KL: variants seen among roughly 807,000 people sequenced by gnomAD.
KL encodes alpha-klotho.
In KL, 62 loss-of-function variants were observed where a neutral mutation model predicts 84.2. The ratio of observed to expected loss-of-function variants is 0.74; its 90% CI spans 0.60 to 0.91. KL has a LOEUF of 0.91. KL is among the 40% of genes least tolerant of loss of function. KL has a pLI of 0.00. For missense variants in KL, 1,261 were observed against 1,305.7 expected (o/e 0.97, Z 0.53); for synonymous variants, 528 against 528.0 (o/e 1.00, Z 0.00).
upstream of KL, chr13:33,016,419 C>G (rs1870325026): frequency 2.2e-6 from 2 of 918,684 alleles, no homozygotes; most frequent in African/African-American, 1.8e-5. Context: ...CGCGGGGCCC[C>G]GGAGCCTGGC....
At chr13:33,019,391 G>A (rs758009306) in intron 1 of KL, among the ~76,000 whole-genome samples, 1 of 152,030 alleles carries the variant, frequency 6.6e-6, no homozygotes, top group Non-Finnish European at 1.5e-5. Flanking sequence ...GGGCATTTTA[G>A]CTGGGGCTTA....
At chr13:33,056,652 A>G (rs1871971059) in intron 3 of KL, among the ~76,000 whole-genome samples, 4 of 151,920 alleles carry the variant, frequency 2.6e-5, no homozygotes, top group Admixed American at 2.6e-4. Context: ...AAAAAAAAAA[A>G]AAAATTATCC....
chr13:33,044,640 CTTTT>C lies in KL; in HGVS notation c.820-9102_820-9099del, dbSNP rs71071071. On this transcript the variant is annotated intron_variant, in intron 1 of 4. Coordinates refer to ENST00000380099, the MANE Select transcript of KL (RefSeq NM_004795.4). Reference sequence around the variant, plus strand: ...TTCATATATAAATGCAATTGATTTTCTTTTTTTTTTTTTTTTTTTTTTTTTTTTG... The same window carrying C: ...TTCATATATAAATGCAATTGATTTTCTTTTTTTTTTTTTTTTTTTTTTTTG... 2.0e-3 allele frequency among the ~76,000 whole-genome samples: 105 copies of C among 52,710 alleles called. No individual in the cohort carries two copies. The South Asian group carries it at 0.021, about 11-fold the overall frequency. The allele number at this position is 52,710 out of a possible 152,430, so 34.6% of individuals were successfully genotyped here. A position where few individuals can be genotyped will look rare whatever the true frequency, so the allele number is the denominator to read the frequency against.
At chr13:33,043,397 T>C (rs1871408256) in intron 1 of KL, among the ~76,000 whole-genome samples, 2 of 152,070 alleles carry the variant, frequency 1.3e-5, no homozygotes, top group African/African-American at 4.8e-5. Context: ...TTTTTGTATT[T>C]TTAGTAGAGA....
chr13:33,044,210 C>T (rs9536284), intron 1 of KL, among the ~76,000 whole-genome samples: 1 of 152,046 alleles, frequency 6.6e-6, no homozygotes, highest in African/African-American at 2.4e-5. Context: ...CCAATATCAC[C>T]CTATATTAAA....
chr13:33,061,087 G>A lies in KL; in HGVS notation c.2008G>A (p.Ala670Thr). 6.2e-7 allele frequency: 1 copy of A among 1,613,702 alleles called. No individual in the cohort carries two copies. Among genetic ancestry groups the A allele is most frequent in the South Asian group, 1.1e-5 (1 of 90,994 alleles). ...PYTALAFAEYARLCFQELGHH... is the reference protein window; with the variant it reads ...PYTALAFAEYTRLCFQELGHH... Reference sequence around the variant, plus strand: ...CACTGCCCTGGCCTTTGCAGAGTATGCCCGACTGTGCTTTCAAGAGCTCGG... The same window carrying A: ...CACTGCCCTGGCCTTTGCAGAGTATACCCGACTGTGCTTTCAAGAGCTCGG... The change falls in exon 4 of 5, where the codon GCC (alanine) becomes ACC (threonine). Residue 670 changes from alanine (A) to threonine (T), a missense_variant. By Grantham distance (58) the Ala-to-Thr change is moderately conservative. Coordinates refer to ENST00000380099, the MANE Select transcript of KL (RefSeq NM_004795.4).
intron 1 of KL, among the ~76,000 whole-genome samples, chr13:33,026,929 T>C (rs754817505): frequency 6.6e-6 from 1 of 152,198 alleles, no homozygotes; most frequent in Non-Finnish European, 1.5e-5. Context: ...TTATCAGCTG[T>C]TAGGGCAACA....
At chr13:33,050,891 AT>A (rs760910250) in intron 1 of KL, among the ~76,000 whole-genome samples, 1 of 152,244 alleles carries the variant, frequency 6.6e-6, no homozygotes, top group Non-Finnish European at 1.5e-5. Flanking sequence ...AATAGATGTC[AT>A]TCCCACTTGT....
chr13:33,053,117 C>T (rs1871815057), intron 1 of KL, among the ~76,000 whole-genome samples: 1 of 152,168 alleles, frequency 6.6e-6, no homozygotes, highest in Non-Finnish European at 1.5e-5. Flanking sequence ...CTGTTTTTTG[C>T]TCTTGGCTTG....
intron 1 of KL, among the ~76,000 whole-genome samples, chr13:33,041,986 C>T (rs545336664): frequency 6.6e-6 from 1 of 152,228 alleles, no homozygotes; most frequent in South Asian, 2.1e-4. Context: ...AGAACAGGAT[C>T]ATATTTTGAA....
chr13:33,031,586 A>T (rs1485630227), intron 1 of KL, among the ~76,000 whole-genome samples: 1 of 152,262 alleles, frequency 6.6e-6, no homozygotes, highest in Non-Finnish European at 1.5e-5. Context: ...TCATGTAAAT[A>T]CTAACAATGA....
At chr13:33,031,607 A>C (rs1167156358) in intron 1 of KL, among the ~76,000 whole-genome samples, 3 of 152,242 alleles carry the variant, frequency 2.0e-5, no homozygotes, top group Admixed American at 1.3e-4. Context: ...TTTAAATAAG[A>C]ACAGACATTT....
At chr13:33,038,673 A>T (rs1871227347) in intron 1 of KL, among the ~76,000 whole-genome samples, 1 of 152,222 alleles carries the variant, frequency 6.6e-6, no homozygotes, top group Non-Finnish European at 1.5e-5. Flanking sequence ...ATTTCTAACA[A>T]ATTTTTTCAG....
Position 33,060,735 on chromosome 13 carries a change from C to T in KL, c.1656C>T (p.His552=). The T allele has an allele frequency of 6.2e-7, 1 of 1,614,164 alleles. No homozygotes were observed. Among genetic ancestry groups the T allele is most frequent in the Non-Finnish European group, 8.5e-7 (1 of 1,180,024 alleles). ...TGAATGTTTACCTGTGGGATGTCCA[C>T]CACAGTAAAAGGCTTATTAAAGTGG... ...TDLNVYLWDV[H]HSKRLIKVDG... Residue 552 remains histidine, a synonymous_variant, in exon 4 of 5, where the codon CAC becomes CAT. Coordinates refer to ENST00000380099, the MANE Select transcript of KL (RefSeq NM_004795.4).
intron 1 of KL, among the ~76,000 whole-genome samples, chr13:33,025,895 T>C (rs1038779118): frequency 6.6e-6 from 1 of 152,212 alleles, no homozygotes; most frequent in Non-Finnish European, 1.5e-5. Context: ...AAACTTTCAA[T>C]CTTATTAAAT....
intron 1 of KL, 116 bp from the exon 2 acceptor site, chr13:33,053,651 A>T: frequency 1.0e-6 from 1 of 964,968 alleles, no homozygotes; most frequent in South Asian, 1.5e-5. Context: ...TTATATTGTT[A>T]GTCATTAAGT....
intron 1 of KL, among the ~76,000 whole-genome samples, chr13:33,027,198 T>G (rs1870809540): frequency 6.6e-6 from 1 of 152,196 alleles, no homozygotes; most frequent in Admixed American, 6.5e-5. Context: ...ATATAGTATC[T>G]TTTCTTCTCT....
chr13:33,032,583 TTTCTTC>T (rs772017453), intron 1 of KL, among the ~76,000 whole-genome samples: 4 of 151,320 alleles, frequency 2.6e-5, no homozygotes, highest in Admixed American at 6.6e-5. Flanking sequence ...ATGGACTTCT[TTTCTTC>T]TTCTTCTTCT....
chr13:33,019,985 C>A (rs947838708), intron 1 of KL, among the ~76,000 whole-genome samples: 1 of 152,078 alleles, frequency 6.6e-6, no homozygotes, highest in Non-Finnish European at 1.5e-5. Flanking sequence ...GGGAGTTCAG[C>A]CCCAGCAGTG....
Sources: allele counts gnomAD v4.1 joint callset (sites outside exome capture counted in the v4.1 genomes callset), GRCh38; gene constraint gnomAD v4.1.1; transcripts MANE v1.5; gene names NCBI Gene and HGNC (gene_info 2026-07-23, HGNC 2026-07-21).